The following DPP6 variants were observed in gnomAD, a reference collection of about 807,000 sequenced individuals.
DPP6 encodes the protein dipeptidyl peptidase like 6.
DPP6 carries 69 observed loss-of-function variants against 122.6 expected under a neutral mutation model. That is an observed-to-expected ratio of 0.56 (90% CI 0.46 to 0.69). DPP6 has a LOEUF of 0.69. Among genes scored for constraint, DPP6 ranks in the 30% least tolerant of loss-of-function variants. The pLI, the probability that DPP6 is intolerant of heterozygous loss-of-function variation, is 0.00. For synonymous variants in DPP6, 418 were observed against 433.1 expected, an observed-to-expected ratio of 0.97 and a Z score of 0.43; for missense variants, 928 against 1,116.9, an observed-to-expected ratio of 0.83 and a Z score of 2.41.
At chr7:154,497,062 C>A (rs1464502380) in intron 3 of DPP6, among the ~76,000 whole-genome samples, 1 of 152,028 alleles carries the variant, frequency 6.6e-6, no homozygotes, top group African/African-American at 2.4e-5. Context: ...CTCCCTCCCT[C>A]CCCCCATGAA....
At chr7:154,438,745 A>G (rs1476529232) in intron 1 of DPP6, among the ~76,000 whole-genome samples, 1 of 151,988 alleles carries the variant, frequency 6.6e-6, no homozygotes, top group African/African-American at 2.4e-5. Context: ...GAATCTTTAC[A>G]CCATATGGCA....
chr7:153,774,975 G>GAA, the DPP6 span, among the ~76,000 whole-genome samples: 2 of 144,258 alleles, frequency 1.4e-5, no homozygotes, highest in African/African-American at 5.1e-5. Flanking sequence ...CCCTGTCTTG[G>GAA]AAAAAAAAAA....
At position 154,144,237 on chromosome 7, in the gene DPP6, G is replaced by T. The variant is rs1795983435; in HGVS notation, c.243+91174G>T. 2.0e-5 allele frequency among the ~76,000 whole-genome samples: 3 copies of T among 151,724 alleles called. No individual in the cohort carries two copies. The South Asian group carries it at 6.3e-4, about 32-fold the overall frequency. ...TTGGTATGATTTCTCCTAATGCTTT[G>T]CAAGTTAATAACTTATTCATTAATT... is the stretch of plus-strand genomic sequence containing the variant. On this transcript the variant is annotated intron_variant, in intron 1 of 25. Coordinates refer to ENST00000377770, the MANE Select transcript of DPP6 (RefSeq NM_130797.4).
Position 154,401,452 on chromosome 7 carries a change from G to A in DPP6, c.244-44762G>A, listed in dbSNP as rs117338803. ...CCCTGAGAAAAGATGCAGATGCAGA[G>A]AAAAGATGTAGAAATCCCTCCCCTT... On this transcript the variant is annotated intron_variant, in intron 1 of 25. Transcript: ENST00000377770. 8.1e-3 allele frequency among the ~76,000 whole-genome samples: 1,236 copies of A among 152,260 alleles called. 15 individuals are homozygous for A. Among genetic ancestry groups the A allele is most frequent in the Admixed American group, 0.014 (214 of 15,290 alleles).
intron 7 of DPP6, among the ~76,000 whole-genome samples, chr7:154,693,228 G>A (rs545549863): frequency 6.6e-6 from 1 of 152,262 alleles, no homozygotes; most frequent in Admixed American, 6.5e-5. Context: ...CATTGCAGTT[G>A]CAATTGTGTG....
the DPP6 span, among the ~76,000 whole-genome samples, chr7:153,846,687 C>CTTTTTTTTTT: frequency 1.0e-4 from 8 of 78,212 alleles, no homozygotes; most frequent in East Asian, 4.0e-4. Context: ...TGGCTTGGTT[C>CTTTTTTTTTT]TTTTTTTTTT....
At chr7:154,163,704 G>A (rs1797092558) in intron 1 of DPP6, among the ~76,000 whole-genome samples, 1 of 152,180 alleles carries the variant, frequency 6.6e-6, no homozygotes, top group Non-Finnish European at 1.5e-5. Context: ...AGATGGATTT[G>A]GAGGTGATTT....
chr7:154,788,217 G>A (rs1011898734), intron 10 of DPP6, among the ~76,000 whole-genome samples: 1 of 152,178 alleles, frequency 6.6e-6, no homozygotes, highest in African/African-American at 2.4e-5. Context: ...GCTGAGGCTG[G>A]CGGATCAGTT....
the DPP6 span, among the ~76,000 whole-genome samples, chr7:153,842,207 T>G: frequency 6.6e-6 from 1 of 152,222 alleles, no homozygotes; most frequent in Non-Finnish European, 1.5e-5. Flanking sequence ...GAAGCATTAT[T>G]TAGAAATGCT....
At chr7:154,279,051 G>A (rs906364998) in intron 1 of DPP6, among the ~76,000 whole-genome samples, 3 of 152,056 alleles carry the variant, frequency 2.0e-5, no homozygotes, top group Middle Eastern at 3.4e-3. Context: ...GGGCATGTGT[G>A]TGTATATATG....
chr7:154,819,916 A>T (rs1799653809), intron 16 of DPP6, among the ~76,000 whole-genome samples: 1 of 152,220 alleles, frequency 6.6e-6, no homozygotes, highest in Admixed American at 6.5e-5. Flanking sequence ...GTCAGAGTAG[A>T]TGCTGCCGCC....
chr7:154,198,905 C>T (rs78052675), intron 1 of DPP6, among the ~76,000 whole-genome samples: 3,684 of 152,184 alleles, frequency 0.024, 175 homozygotes, highest in African/African-American at 0.083. Context: ...CATCTGAACC[C>T]ACAGCCCCTT....
At chr7:154,512,597 A>G (rs896703776) in intron 3 of DPP6, among the ~76,000 whole-genome samples, 5 of 152,224 alleles carry the variant, frequency 3.3e-5, no homozygotes, top group African/African-American at 1.2e-4. Context: ...AGGATAATGA[A>G]GGCGATGAGA....
chr7:154,013,455 TTTC>T (rs1249756014), intron 1 of DPP6, among the ~76,000 whole-genome samples: 1 of 136,702 alleles, frequency 7.3e-6, no homozygotes, highest in Non-Finnish European at 1.5e-5. Context: ...TCAGGTTTCT[TTTC>T]TTTTTTTTTT....
In DPP6 at chr7:154,654,391, A is replaced by G. The variant is rs181954719; in HGVS notation, c.681-14969A>G. The stretch of plus-strand genomic sequence containing the variant: ...GAGTGGAGCATCTCTGCCTGAAAAC[A>G]TCTATATCCAAATCTTTCTTTCTTT... On this transcript the variant is annotated intron_variant, in intron 6 of 25. Transcript: ENST00000377770. Among the ~76,000 whole-genome samples the G allele has an allele frequency of 6.2e-4, 18 of 29,246 alleles. No individual in the cohort carries two copies. In the East Asian group the frequency reaches 0.024, roughly 39 times the overall value. The allele number at this position is 29,246 out of a possible 152,430, so 19.2% of individuals were successfully genotyped here. A position where few individuals can be genotyped will look rare whatever the true frequency, so the allele number is the denominator to read the frequency against.
intron 1 of DPP6, among the ~76,000 whole-genome samples, chr7:153,916,506 G>A (rs796424727): frequency 3.1e-4 from 46 of 150,074 alleles, no homozygotes; most frequent in African/African-American, 1.1e-3. Flanking sequence ...CTGCCTCCCA[G>A]GTTCAAGCAA....
chr7:154,668,322 G>A (rs1341690576), intron 6 of DPP6, among the ~76,000 whole-genome samples: 8 of 148,652 alleles, frequency 5.4e-5, no homozygotes, highest in African/African-American at 7.4e-5. Flanking sequence ...CCGGGTTCAC[G>A]CCATTCTCCT....
At chr7:154,562,793 T>A (rs115890696) in intron 4 of DPP6, among the ~76,000 whole-genome samples, 1,564 of 152,264 alleles carry the variant, frequency 0.01, 25 homozygotes, top group African/African-American at 0.034. Flanking sequence ...TTAGCAATAA[T>A]CAATTAAATA....
chr7:154,770,646 G>T (rs1335300349), intron 9 of DPP6, among the ~76,000 whole-genome samples: 2 of 152,212 alleles, frequency 1.3e-5, no homozygotes, highest in African/African-American at 4.8e-5. Flanking sequence ...TTGTGAGCCA[G>T]TCAGTTTATG....
Sources: gnomAD v4.1 joint callset for allele counts (sites outside exome capture counted in the v4.1 genomes callset) on GRCh38, gnomAD v4.1.1 for gene constraint, MANE v1.5 for transcripts, NCBI Gene and HGNC (gene_info 2026-07-23, HGNC 2026-07-21) for gene names.